The following RABGAP1 variants were observed in gnomAD, a reference collection of about 807,000 sequenced individuals.
The protein encoded by RABGAP1 is rab GTPase-activating protein 1.
In RABGAP1, 23 loss-of-function variants were observed where a neutral mutation model predicts 137.6. That is an observed-to-expected ratio of 0.17 (90% confidence interval 0.12 to 0.24). The LOEUF is 0.24. Among genes scored for constraint, RABGAP1 ranks in the 10% least tolerant of loss-of-function variants. The pLI is 1.00. For missense variants in RABGAP1, 906 were observed against 1,275.8 expected, an observed-to-expected ratio of 0.71 and a Z score of 4.42; for synonymous variants, 451 against 450.7, an observed-to-expected ratio of 1.00 and a Z score of -0.01.
chr9:123,018,186 G>T (rs1361666940), intron 12 of RABGAP1, among the ~76,000 whole-genome samples: 3 of 152,128 alleles, frequency 2.0e-5, no homozygotes, highest in Non-Finnish European at 4.4e-5. Flanking sequence ...AGTAGAGACA[G>T]GGTTTCACCG....
chr9:122,964,837 A>AT (rs1264363666), intron 2 of RABGAP1, among the ~76,000 whole-genome samples: 4 of 151,980 alleles, frequency 2.6e-5, no homozygotes, highest in Non-Finnish European at 4.4e-5. Flanking sequence ...CAAGAAAAAA[A>AT]TTTTTTTTAA....
At chr9:123,018,464 A>G (rs1359768663) in intron 12 of RABGAP1, among the ~76,000 whole-genome samples, 4 of 152,238 alleles carry the variant, frequency 2.6e-5, no homozygotes, top group African/African-American at 7.2e-5. Flanking sequence ...CAGTTCTACT[A>G]TTGTAATGCA....
At chr9:123,017,700 A>G (rs908155236) in intron 12 of RABGAP1, among the ~76,000 whole-genome samples, 3 of 152,234 alleles carry the variant, frequency 2.0e-5, no homozygotes, top group Non-Finnish European at 4.4e-5. Flanking sequence ...TGTAATTATT[A>G]TAGATTAAAA....
intron 13 of RABGAP1, among the ~76,000 whole-genome samples, chr9:123,042,927 GC>G: frequency 6.6e-6 from 1 of 152,272 alleles, no homozygotes. Flanking sequence ...ATGGGGTGGG[GC>G]ATGGATGGTG....
upstream of RABGAP1, among the ~76,000 whole-genome samples, chr9:122,936,298 A>G (rs1462853943): frequency 1.3e-5 from 2 of 152,004 alleles, no homozygotes; most frequent in African/African-American, 2.4e-5. Flanking sequence ...CTTAGGCTTT[A>G]TTTACTGTTC....
intron 13 of RABGAP1, among the ~76,000 whole-genome samples, chr9:123,044,461 T>G (rs677922): frequency 0.76 from 115,025 of 152,088 alleles, 45,444 homozygotes; most frequent in Middle Eastern, 0.89. Flanking sequence ...TTTTGGGTCT[T>G]TAAGACCTTT....
chr9:123,053,131 A>G (rs900484219), intron 13 of RABGAP1, among the ~76,000 whole-genome samples: 5 of 152,234 alleles, frequency 3.3e-5, no homozygotes, highest in Admixed American at 3.3e-4. Context: ...TATTAAGAGA[A>G]AACATAATGT....
chr9:122,992,347 T>C (rs1836771252), intron 6 of RABGAP1, among the ~76,000 whole-genome samples: 1 of 152,234 alleles, frequency 6.6e-6, no homozygotes, highest in African/African-American at 2.4e-5. Context: ...CCTTTTTTTC[T>C]TTATTGAAAA....
chr9:122,936,584 G>A (rs1258194166), upstream of RABGAP1, among the ~76,000 whole-genome samples: 3 of 152,170 alleles, frequency 2.0e-5, no homozygotes, highest in Non-Finnish European at 4.4e-5. Context: ...TTCCTGGTGC[G>A]GCTTGCTGGA....
chr9:123,069,154 G>A (rs2132133751), intron 14 of RABGAP1, among the ~76,000 whole-genome samples: 1 of 152,266 alleles, frequency 6.6e-6, no homozygotes, highest in East Asian at 1.9e-4. Flanking sequence ...ATGTTCAGAG[G>A]AGATGGGTAG....
At chr9:122,967,494 G>A (rs1160794015) in intron 2 of RABGAP1, among the ~76,000 whole-genome samples, 3 of 152,170 alleles carry the variant, frequency 2.0e-5, no homozygotes, top group Non-Finnish European at 2.9e-5. Flanking sequence ...AGTCTCCTGT[G>A]CGTAAGTAGA....
At chr9:123,052,897 G>A (rs566514175) in intron 13 of RABGAP1, among the ~76,000 whole-genome samples, 10 of 152,290 alleles carry the variant, frequency 6.6e-5, no homozygotes, top group African/African-American at 2.4e-4. Flanking sequence ...CCAAGATCAC[G>A]CCACTGCACT....
intron 14 of RABGAP1, among the ~76,000 whole-genome samples, chr9:123,066,993 T>C (rs2034196644): frequency 6.6e-6 from 1 of 152,196 alleles, no homozygotes; most frequent in Admixed American, 6.5e-5. Context: ...AAAACAAATC[T>C]TAGACATCAT....
intron 1 of RABGAP1, among the ~76,000 whole-genome samples, chr9:122,944,489 C>T (rs750664890): frequency 4.6e-5 from 7 of 152,008 alleles, no homozygotes; most frequent in Non-Finnish European, 8.8e-5. Flanking sequence ...TCTGGCCTCC[C>T]AACGTGACAA....
intron 2 of RABGAP1, among the ~76,000 whole-genome samples, chr9:122,976,130 A>G (rs1374612229): frequency 1.3e-5 from 2 of 152,208 alleles, no homozygotes; most frequent in South Asian, 4.1e-4. Flanking sequence ...TAAACAATTC[A>G]TCATGCAGTC....
At chr9:122,953,053 T>A (rs1834333037) in intron 1 of RABGAP1, among the ~76,000 whole-genome samples, 1 of 152,226 alleles carries the variant, frequency 6.6e-6, no homozygotes, top group Non-Finnish European at 1.5e-5. Context: ...GAATGTGAAA[T>A]TAGGAAATTA....
At chr9:123,032,396 GCT>G (rs946545696) in intron 13 of RABGAP1, among the ~76,000 whole-genome samples, 82 of 152,118 alleles carry the variant, frequency 5.4e-4, no homozygotes, top group African/African-American at 1.9e-3. Flanking sequence ...CACACACTTC[GCT>G]CTGTTTCCCA....
intron 3 of RABGAP1, among the ~76,000 whole-genome samples, chr9:122,985,482 C>T (rs965272085): frequency 2.6e-5 from 4 of 151,922 alleles, no homozygotes; most frequent in Non-Finnish European, 5.9e-5. Flanking sequence ...CGTGGTGGCA[C>T]GCACCTGTAG....
chr9:123,076,058 G>T (rs1289854583), intron 17 of RABGAP1, among the ~76,000 whole-genome samples, 187 bp from the exon 18 acceptor site: 27 of 152,168 alleles, frequency 1.8e-4, no homozygotes, highest in Admixed American at 1.8e-3. Flanking sequence ...TCAGAAAAAG[G>T]GGAAGCTAGG....
Sources: gnomAD v4.1 joint callset for allele counts (sites outside exome capture counted in the v4.1 genomes callset) on GRCh38, gnomAD v4.1.1 for gene constraint, MANE v1.5 for transcripts, NCBI Gene and HGNC (gene_info 2026-07-23, HGNC 2026-07-21) for gene names.